The following KCNAB1 variants were observed in gnomAD, a reference collection of about 807,000 sequenced individuals.
KCNAB1 encodes the protein potassium voltage-gated channel subfamily A regulatory beta subunit 1.
A neutral mutation model predicts 64.6 loss-of-function variants in KCNAB1; 35 were observed. That is an observed-to-expected ratio of 0.54 (90% CI 0.41 to 0.72). KCNAB1 has a LOEUF of 0.72. KCNAB1 is among the 30% of genes least tolerant of loss of function. The probability of loss-of-function intolerance (pLI) is 0.00; values close to 1 mark genes in which losing one functional copy is unlikely to be tolerated. For missense variants in KCNAB1, 401 were observed against 512.9 expected, an observed-to-expected ratio of 0.78 and a Z score of 2.11; for synonymous variants, 177 against 183.8, an observed-to-expected ratio of 0.96 and a Z score of 0.30.
chr3:156,529,973 G>C (rs1213069293), intron 12 of KCNAB1, among the ~76,000 whole-genome samples: 2 of 152,192 alleles, frequency 1.3e-5, no homozygotes, highest in East Asian at 3.8e-4. Flanking sequence ...TCACCAGCAG[G>C]CTCCTGGGGA....
intron 1 of KCNAB1, among the ~76,000 whole-genome samples, chr3:156,166,378 T>G (rs993042229): frequency 9.9e-5 from 15 of 152,160 alleles, no homozygotes; most frequent in East Asian, 1.9e-4. Context: ...GAGGATGCAT[T>G]TGAAAACAAA....
chr3:156,395,490 AGCCGAGATCCC>A (rs746303838), intron 1 of KCNAB1, among the ~76,000 whole-genome samples: 2 of 131,722 alleles, frequency 1.5e-5, no homozygotes, highest in East Asian at 5.1e-4. Context: ...GCTTGCAGTG[AGCCGAGATCCC>A]GCCACTGCAC....
At chr3:156,272,208 T>A (rs1166662887) in intron 1 of KCNAB1, among the ~76,000 whole-genome samples, 2 of 152,228 alleles carry the variant, frequency 1.3e-5, no homozygotes, top group African/African-American at 4.8e-5. Flanking sequence ...ACTAACTGGC[T>A]ATTGCCTATG....
chr3:156,252,347 TGAGAG>T (rs1050526859), intron 1 of KCNAB1, among the ~76,000 whole-genome samples: 1 of 152,246 alleles, frequency 6.6e-6, no homozygotes, highest in Non-Finnish European at 1.5e-5. Context: ...GTTTGCTGGC[TGAGAG>T]GAAAGTAGAG....
chr3:156,132,464 C>A (rs924665571), intron 1 of KCNAB1, among the ~76,000 whole-genome samples: 18 of 152,200 alleles, frequency 1.2e-4, no homozygotes, highest in Non-Finnish European at 4.4e-5. Context: ...TCACTTACGG[C>A]TGGATGAGGC....
Position 156,249,005 on chromosome 3 carries a change from G to A in KCNAB1, c.275+128119G>A, listed in dbSNP as rs904148601. On this transcript the variant is annotated intron_variant, in intron 1 of 13. Coordinates refer to ENST00000490337, the MANE Select transcript of KCNAB1 (RefSeq NM_172160.3). Reference sequence around the variant, plus strand: ...CACTAAGACCTCTTGAAGTCTTGGAGATTTCGATAGAAATCTGGTTGTGTT... The same window carrying A: ...CACTAAGACCTCTTGAAGTCTTGGAAATTTCGATAGAAATCTGGTTGTGTT... Among the ~76,000 whole-genome samples, 3 of 150,668 alleles carry A rather than the reference G, an allele frequency of 2.0e-5. No individual in the cohort carries two copies. The East Asian group carries it at 5.9e-4, about 30-fold the overall frequency.
chr3:156,222,831 G>T (rs559737458), intron 1 of KCNAB1, among the ~76,000 whole-genome samples: 9 of 152,306 alleles, frequency 5.9e-5, no homozygotes, highest in Non-Finnish European at 1.0e-4. Context: ...CTGAATGATT[G>T]TTGGGTCAAC....
intron 1 of KCNAB1, chr3:156,143,217 C>T (rs965913342): frequency 1.2e-6 from 2 of 1,613,100 alleles, no homozygotes; most frequent in African/African-American, 2.7e-5. Flanking sequence ...ACATCCCGAG[C>T]CCCAAGCTGG....
intron 7 of KCNAB1, among the ~76,000 whole-genome samples, chr3:156,472,251 C>T (rs1035629340): frequency 6.6e-6 from 1 of 152,190 alleles, no homozygotes; most frequent in Non-Finnish European, 1.5e-5. Flanking sequence ...TTACTACTTA[C>T]ACAACCTGTC....
chr3:156,343,491 T>A (rs1724275671), intron 1 of KCNAB1, among the ~76,000 whole-genome samples: 2 of 152,218 alleles, frequency 1.3e-5, no homozygotes, highest in South Asian at 4.2e-4. Flanking sequence ...GGATTGCTCC[T>A]CTGGCTATAG....
chr3:156,128,590 G>T (rs1315911921), intron 1 of KCNAB1, among the ~76,000 whole-genome samples: 1 of 152,182 alleles, frequency 6.6e-6, no homozygotes, highest in African/African-American at 2.4e-5. Flanking sequence ...ACATAGAGCA[G>T]GTGTTCTCCT....
chr3:156,174,437 C>T (rs908096908), intron 1 of KCNAB1, among the ~76,000 whole-genome samples: 14 of 152,184 alleles, frequency 9.2e-5, no homozygotes, highest in African/African-American at 3.4e-4. Flanking sequence ...GCTGTGTGAA[C>T]ATCCATCAGA....
At chr3:156,409,869 C>T (rs1211374157) in intron 1 of KCNAB1, among the ~76,000 whole-genome samples, 1 of 152,208 alleles carries the variant, frequency 6.6e-6, no homozygotes, top group African/African-American at 2.4e-5. Flanking sequence ...AGAACTCTAG[C>T]CTGACCAAGC....
rs540805650 is a variant in KCNAB1, at chr3:156,353,974, A to G, written c.276-67642A>G. ...TGACACGTGATTAATGAATATCAGG[A>G]CATGGGGGATTTGGGGGCATGTTAA... On this transcript the variant is annotated intron_variant, in intron 1 of 13. Transcript: ENST00000490337. 4.0e-5 allele frequency among the ~76,000 whole-genome samples: 6 copies of G among 151,822 alleles called. No homozygotes were observed. In the South Asian group the frequency reaches 8.3e-4, roughly 21 times the overall value.
At chr3:156,297,209 T>G (rs1039731095) in intron 1 of KCNAB1, among the ~76,000 whole-genome samples, 27 of 152,120 alleles carry the variant, frequency 1.8e-4, no homozygotes, top group African/African-American at 6.0e-4. Context: ...CTCTGAAATT[T>G]TATTGTTTCA....
At chr3:156,127,051 G>T (rs140409836) in intron 1 of KCNAB1, among the ~76,000 whole-genome samples, 91 of 152,286 alleles carry the variant, frequency 6.0e-4, no homozygotes, top group African/African-American at 1.9e-3. Flanking sequence ...TCATAAGACT[G>T]CTATAAGGAT....
At chr3:156,398,703 A>G (rs528524993) in intron 1 of KCNAB1, among the ~76,000 whole-genome samples, 7 of 151,800 alleles carry the variant, frequency 4.6e-5, no homozygotes, top group Admixed American at 3.3e-4. Context: ...TGTTCAGCAC[A>G]TGTATCCCAG....
chr3:156,506,919 C>T (rs1716871251), intron 8 of KCNAB1, among the ~76,000 whole-genome samples: 1 of 152,104 alleles, frequency 6.6e-6, no homozygotes, highest in Non-Finnish European at 1.5e-5. Flanking sequence ...TTTCCCAAGT[C>T]ATTTATACTC....
chr3:156,406,585 A>C (rs1183164418), intron 1 of KCNAB1, among the ~76,000 whole-genome samples: 1 of 152,130 alleles, frequency 6.6e-6, no homozygotes, highest in Admixed American at 6.5e-5. Context: ...CATTCTTCCT[A>C]ATCCAGAGAA....
Sources: gnomAD v4.1 joint callset for allele counts (sites outside exome capture counted in the v4.1 genomes callset) on GRCh38, gnomAD v4.1.1 for gene constraint, MANE v1.5 for transcripts, NCBI Gene and HGNC (gene_info 2026-07-23, HGNC 2026-07-21) for gene names.